CLCN2: variants seen among roughly 807,000 people sequenced by gnomAD.
CLCN2 encodes the protein chloride channel protein 2.
In CLCN2, 72 loss-of-function variants were observed where a neutral mutation model predicts 108.3. That is an observed-to-expected ratio of 0.66 (90% CI 0.55 to 0.81). The LOEUF is 0.81. Ranked by LOEUF, CLCN2 falls within the 30% of genes least tolerant of loss-of-function variation. The probability of loss-of-function intolerance (pLI) is 0.00; values close to 1 mark genes in which losing one functional copy is unlikely to be tolerated. For missense variants in CLCN2, 1,048 were observed against 1,205.2 expected (o/e 0.87, Z 1.93); for synonymous variants, 471 against 467.1 (o/e 1.01, Z -0.11).
chr3:184,357,492 G>C lies in CLCN2; in HGVS notation c.773-5C>G, dbSNP rs1728652591. ...CCTCGATGCTGAAGAGGACGCCTGTGAGGGGGAGGGAGACCAGCACTTGAG... is the reference window on the plus strand; with the variant it reads ...CCTCGATGCTGAAGAGGACGCCTGTCAGGGGGAGGGAGACCAGCACTTGAG... On this transcript the variant is annotated splice_region_variant and splice_polypyrimidine_tract_variant and intron_variant, in intron 7 of 23. Transcript: ENST00000265593. 6.2e-7 allele frequency: 1 copy of C among 1,614,192 alleles called. No homozygotes were observed. Among genetic ancestry groups the C allele is most frequent in the Non-Finnish European group, 8.5e-7 (1 of 1,180,040 alleles).
Position 184,346,896 on chromosome 3 carries a change from T to G in CLCN2, c.2502+39A>C. ...GCTGGACATAAGCCTCCATGACTTT[T>G]TGGAAGTGGAGCAGCTTTGGAGGCC... On this transcript the variant is annotated intron_variant, in intron 23 of 23. Transcript: ENST00000265593. This position sits in a 1 kb window ranked among gnomAD's most constrained non-coding sequence, Gnocchi z 6.0. 6.2e-7 allele frequency: 1 copy of G among 1,611,874 alleles called. No homozygotes were observed. The highest frequency in any genetic ancestry group is 1.3e-5 in the African/African-American group (1 of 74,998).
intron 22 of CLCN2, among the ~76,000 whole-genome samples, chr3:184,351,079 C>T (rs1282857069): frequency 2.6e-5 from 4 of 152,150 alleles, no homozygotes; most frequent in Admixed American, 1.3e-4. Context: ...TTTATTTTTG[C>T]CTTTTTGTTT....
At chr3:184,357,314 C>A (rs376900777) in intron 8 of CLCN2, 48 bp from the exon 9 acceptor site, 8 of 1,613,982 alleles carry the variant, frequency 5.0e-6, no homozygotes, top group Non-Finnish European at 5.9e-6. Context: ...TCGTGGGCCC[C>A]CTACCTGGCA....
rs867483632 is a variant in CLCN2 at position 184,346,315 on chromosome 3, C to A, written c.*291G>T. ...TTGGAGGTTCCAGTTATAAACCCAT[C>A]TTAGTTCCACCCCTTTCCCCTCAAA... On this transcript the variant is annotated 3_prime_UTR_variant, in exon 24 of 24. Coordinates refer to ENST00000265593, the MANE Select transcript of CLCN2 (RefSeq NM_004366.6). This position sits in a 1 kb window ranked among gnomAD's most constrained non-coding sequence, Gnocchi z 6.0. 1.9e-6 allele frequency: 1 copy of A among 517,106 alleles called. No individual in the cohort carries two copies. 32.0% of individuals were successfully genotyped at this position (517,106 alleles called of 1,614,324 possible).
Position 184,346,515 on chromosome 3 carries a change from C to T in CLCN2, c.*91G>A. ...GGGGTGCAGCCTCCAGCTGTAGCTGCCTCCTGCCTTCCGAAGGCAGAAGGA... is the reference window on the plus strand; with the variant it reads ...GGGGTGCAGCCTCCAGCTGTAGCTGTCTCCTGCCTTCCGAAGGCAGAAGGA... On this transcript the variant is annotated 3_prime_UTR_variant, in exon 24 of 24. Coordinates refer to ENST00000265593, the MANE Select transcript of CLCN2 (RefSeq NM_004366.6). The surrounding 1 kb of genome is among the most constrained non-coding windows in gnomAD (Gnocchi z 6.0). 6.8e-7 allele frequency: 1 copy of T among 1,474,528 alleles called. No individual in the cohort carries two copies. The highest frequency in any genetic ancestry group is 1.4e-5 in the African/African-American group (1 of 72,528). 91.3% of individuals were successfully genotyped at this position (1,474,528 alleles called of 1,614,324 possible).
rs863225249 is a variant in CLCN2, at chr3:184,358,742, C to G, written c.292G>C (p.Gly98Arg). The G allele has an allele frequency of 1.2e-6, 2 of 1,602,472 alleles. No individual in the cohort carries two copies. Among genetic ancestry groups the G allele is most frequent in the Non-Finnish European group, 1.7e-6 (2 of 1,173,958 alleles). ...GEDWIFLVLL[G>R]LLMALVSWVM... ...CAGCTGACCAATGCCATGAGAAGCC[C>G]CAGCAGGACCAGGAAGATCCAATCT... is the stretch of plus-strand genomic sequence containing the variant. The change falls in exon 3 of 24, where the codon GGG (glycine) becomes CGG (arginine). Residue 98 changes from glycine to arginine, a missense_variant. Physicochemically the swap from Gly to Arg is moderately radical, Grantham distance 125. Coordinates refer to ENST00000265593, the MANE Select transcript of CLCN2 (RefSeq NM_004366.6).
chr3:184,346,475 G>A lies in CLCN2; in HGVS notation c.*131C>T, dbSNP rs1480407666. 2.8e-6 allele frequency: 3 copies of A among 1,053,538 alleles called. No homozygotes were observed. Among genetic ancestry groups the A allele is most frequent in the Admixed American group, 3.9e-5 (2 of 51,466 alleles). The allele number at this position is 1,053,538 out of a possible 1,614,324, so 65.3% of individuals were successfully genotyped here. ...TGAACTGGGAGAAGCTGGCACCCCA[G>A]GTCTGGAGGGGGCTGGGGTGCAGCC... On this transcript the variant is annotated 3_prime_UTR_variant, in exon 24 of 24. Transcript: ENST00000265593. This position sits in a 1 kb window ranked among gnomAD's most constrained non-coding sequence, Gnocchi z 6.0.
At chr3:184,354,424 G>A (rs1460839358) in intron 14 of CLCN2, 110 bp from the exon 15 acceptor site, 2 of 1,301,118 alleles carry the variant, frequency 1.5e-6, no homozygotes, top group Middle Eastern at 1.9e-4. Context: ...ACAGTCCTGG[G>A]ATTGGACCTG....
At chr3:184,354,001 G>T in intron 15 of CLCN2, 100 bp downstream of exon 15, 3 of 1,397,760 alleles carry the variant, frequency 2.1e-6, no homozygotes, top group Non-Finnish European at 3.0e-6. Flanking sequence ...TCATCTCCCA[G>T]CTTCGTAGGC....
Position 184,354,166 on chromosome 3 carries a change from G to A in CLCN2, c.1656C>T (p.Leu552=). The A allele has an allele frequency of 6.2e-7, 1 of 1,613,362 alleles. No individual in the cohort carries two copies. Among genetic ancestry groups the A allele is most frequent in the African/African-American group, 1.3e-5 (1 of 74,862 alleles). The change falls in exon 15 of 24, where the codon CTC becomes CTT. Residue 552 remains leucine, a synonymous_variant. Coordinates refer to ENST00000265593, the MANE Select transcript of CLCN2 (RefSeq NM_004366.6). The part of the protein sequence containing the change: ...NAVAQSLQPS[L]YDSIIRIKKL... ...TCTTGATTCGGATGATGCTGTCATA[G>A]AGGGAGGGCTGCAGACTCTGGGCGA...
At position 184,352,767 on chromosome 3, in the gene CLCN2, AC is replaced by A; in HGVS notation, c.2186del (p.Cys729LeufsTer21). The A allele has an allele frequency of 6.2e-7, 1 of 1,613,258 alleles. No individual in the cohort carries two copies. The highest frequency in any genetic ancestry group is 8.5e-7 in the Non-Finnish European group (1 of 1,180,024). ...AAGCAGCCTCAGGGGGTGGACTGCCACAGAAGAGGCTCCGGAGGGCGATGCC... is the reference window on the plus strand; with the variant it reads ...AAGCAGCCTCAGGGGGTGGACTGCCAAGAAGAGGCTCCGGAGGGCGATGCC... ...SAGIALRSLF[C>X]GSPPPEAASE... On this transcript the variant is annotated frameshift_variant, in exon 19 of 24. Transcript: ENST00000265593. LOFTEE classifies it high-confidence loss of function.
At chr3:184,359,683 C>G (rs970402134) in intron 1 of CLCN2, among the ~76,000 whole-genome samples, 1 of 152,204 alleles carries the variant, frequency 6.6e-6, no homozygotes, top group African/African-American at 2.4e-5. Context: ...TTCTCCACTG[C>G]CACCCCCACC....
Position 184,346,372 on chromosome 3 carries a change from T to A in CLCN2, c.*234A>T. The A allele has an allele frequency of 1.7e-6, 1 of 589,912 alleles. No individual in the cohort carries two copies. Among genetic ancestry groups the A allele is most frequent in the East Asian group, 2.9e-5 (1 of 34,616 alleles). The allele number at this position is 589,912 out of a possible 1,614,324, so 36.5% of individuals were successfully genotyped here. On this transcript the variant is annotated 3_prime_UTR_variant, in exon 24 of 24. Transcript: ENST00000265593. The surrounding 1 kb of genome is among the most constrained non-coding windows in gnomAD (Gnocchi z 6.0). ...GCAGGGGTCAAGTGACCCCAACCCA[T>A]CCTGCCAGGGCAGGGCCTATCTTCC...
At chr3:184,358,551 G>A in intron 3 of CLCN2, 131 bp downstream of exon 3, 1 of 1,288,620 alleles carries the variant, frequency 7.8e-7, no homozygotes, top group East Asian at 2.5e-5. Flanking sequence ...CCTGAATCTG[G>A]GCAGTCAGAC....
Position 184,354,330 on chromosome 3 carries a change from C to T in CLCN2, c.1508-16G>A, listed in dbSNP as rs376345543. 255 of 1,611,186 alleles carry T rather than the reference C, an allele frequency of 1.6e-4. No individual in the cohort carries two copies. The highest frequency in any genetic ancestry group is 2.0e-4 in the Non-Finnish European group (236 of 1,178,666). On this transcript the variant is annotated splice_polypyrimidine_tract_variant and intron_variant, in intron 14 of 23. Transcript: ENST00000265593. Reference sequence around the variant, plus strand: ...GCAGCTGCCCCTGGGGACAGTCACACTCAGTCTCCTCAGGGTGCCCAGGTC... The same window carrying T: ...GCAGCTGCCCCTGGGGACAGTCACATTCAGTCTCCTCAGGGTGCCCAGGTC...
Position 184,357,953 on chromosome 3 carries a change from T to C in CLCN2, c.615+9A>G, listed in dbSNP as rs1177341615. The C allele has an allele frequency of 6.2e-7, 1 of 1,613,960 alleles. No homozygotes were observed. The highest frequency in any genetic ancestry group is 8.5e-7 in the Non-Finnish European group (1 of 1,180,034). On this transcript the variant is annotated intron_variant, in intron 5 of 23. Coordinates refer to ENST00000265593, the MANE Select transcript of CLCN2 (RefSeq NM_004366.6). ...GGAGGGACTCCTTCATTCCCCAGCC[T>C]GCAGTTACCTCTTTGCCAAGCGGCA...
At position 184,354,551 on chromosome 3, in the gene CLCN2, C is replaced by G; in HGVS notation, c.1504G>C (p.Val502Leu). Residue 502 changes from valine (V) to leucine (L), a missense_variant, in exon 14 of 24, where the codon GTC becomes CTC. Physicochemically the swap from Val to Leu is conservative, Grantham distance 32 (BLOSUM62 1). Transcript: ENST00000265593. ...YRIVPGGYAV[V>L]GAAALAGAVT... ...CGATGGGACCTGAGGCACTCACCGA[C>G]CACAGCGTAGCCCCCAGGCACAATC... The G allele has an allele frequency of 6.2e-7, 1 of 1,612,588 alleles. No individual in the cohort carries two copies. Among genetic ancestry groups the G allele is most frequent in the Non-Finnish European group, 8.5e-7 (1 of 1,179,498 alleles).
At position 184,354,189 on chromosome 3, in the gene CLCN2, C is replaced by G. The variant is rs137978189; in HGVS notation, c.1633G>C (p.Ala545Pro). 1 of 1,613,286 alleles carries G rather than the reference C, an allele frequency of 6.2e-7. No individual in the cohort carries two copies. Among genetic ancestry groups the G allele is most frequent in the Non-Finnish European group, 8.5e-7 (1 of 1,179,936 alleles). Residue 545 changes from alanine to proline, a missense_variant, in exon 15 of 24, where the codon GCC becomes CCC. By Grantham distance (27) the Ala-to-Pro change is conservative (BLOSUM62 -1). Transcript: ENST00000265593. ...MIAVILANAVAQSLQPSLYDS... is the reference protein window; with the variant it reads ...MIAVILANAVPQSLQPSLYDS... ...TAGAGGGAGGGCTGCAGACTCTGGGCGACAGCGTTGGCCAGGATGACGGCG... is the reference window on the plus strand; with the variant it reads ...TAGAGGGAGGGCTGCAGACTCTGGGGGACAGCGTTGGCCAGGATGACGGCG...
In CLCN2 at chr3:184,357,849, A is replaced by G. The variant is rs1577324137; in HGVS notation, c.623T>C (p.Phe208Ser). 6.2e-7 allele frequency: 1 copy of G among 1,613,960 alleles called. No individual in the cohort carries two copies. Among genetic ancestry groups the G allele is most frequent in the African/African-American group, 1.3e-5 (1 of 75,076 alleles). Residue 208 changes from phenylalanine to serine, a missense_variant, in exon 6 of 24, where the codon TTT (phenylalanine) becomes TCT (serine). By Grantham distance (155) the Phe-to-Ser change is radical (BLOSUM62 -2). Transcript: ENST00000265593. ...AGCACACATGCTTGCGATATGCACA[A>G]AAGGGCCCTGCGGGGTGGGGCAGGC... ...SGMPLGKEGP[F>S]VHIASMCAAL...
Sources: gnomAD v4.1 joint callset for allele counts (sites outside exome capture counted in the v4.1 genomes callset) on GRCh38, gnomAD v4.1.1 for gene constraint, Gnocchi (gnomAD v3.1) non-coding constraint, MANE v1.5 for transcripts, NCBI Gene and HGNC (gene_info 2026-07-23, HGNC 2026-07-21) for gene names.